ABCG5: variants seen among roughly 807,000 people sequenced by gnomAD.
The protein encoded by ABCG5 is ATP-binding cassette sub-family G member 5.
In ABCG5, 64 loss-of-function variants were observed where a neutral mutation model predicts 64.5. The observed-to-expected ratio is 0.99, with a 90% CI of 0.81 to 1.22. The LOEUF (loss-of-function observed/expected upper bound fraction) is 1.22. Ranked by LOEUF, ABCG5 falls within the 50% of genes most tolerant of loss-of-function variation. ABCG5 has a pLI of 0.00. For synonymous variants in ABCG5, 385 were observed against 326.3 expected (o/e 1.18, Z -1.94); for missense variants, 908 against 829.5 (o/e 1.09, Z -1.16).
chr2:43,812,319 CTT>C (rs535572680), downstream of ABCG5, among the ~76,000 whole-genome samples: 30,950 of 115,168 alleles, frequency 0.27, 3,922 homozygotes, highest in African/African-American at 0.42. Context: ...ACTTGTAATT[CTT>C]TTTTTTTTTT....
At chr2:43,830,098 G>A (rs953317316) in intron 4 of ABCG5, among the ~76,000 whole-genome samples, 6 of 152,166 alleles carry the variant, frequency 3.9e-5, no homozygotes, top group Admixed American at 1.3e-4. Flanking sequence ...TCTCATCTCT[G>A]TAACATCATA....
At chr2:43,811,171 C>G (rs1666467857), downstream of ABCG5, among the ~76,000 whole-genome samples, 1 of 152,152 alleles carries the variant, frequency 6.6e-6, no homozygotes, top group African/African-American at 2.4e-5. Flanking sequence ...GTGGGACTCT[C>G]TTTGAACTAC....
intron 10 of ABCG5, among the ~76,000 whole-genome samples, chr2:43,821,415 A>G (rs985299715): frequency 3.3e-5 from 5 of 152,036 alleles, no homozygotes; most frequent in African/African-American, 1.2e-4. Flanking sequence ...TGCATCACTC[A>G]CCATGTCTTG....
chr2:43,828,472 C>CGAAAA, intron 4 of ABCG5: 1 of 184,288 alleles, frequency 5.4e-6, no homozygotes, highest in South Asian at 3.7e-5. Flanking sequence ...CCTGTCTCTA[C>CGAAAA]AAAAAAAAAA....
At chr2:43,837,804 C>T in intron 2 of ABCG5, 30 bp downstream of exon 2, 10 of 1,613,170 alleles carry the variant, frequency 6.2e-6, no homozygotes, top group Non-Finnish European at 8.5e-6. Context: ...CAAGCCAAAT[C>T]CTTTTTAGAA....
chr2:43,834,298 G>A (rs1319082836), intron 2 of ABCG5, among the ~76,000 whole-genome samples: 1 of 152,130 alleles, frequency 6.6e-6, no homozygotes, highest in Admixed American at 6.5e-5. Context: ...CAAATATCCT[G>A]CAGCCTGGGT....
intron 11 of ABCG5, among the ~76,000 whole-genome samples, chr2:43,817,610 A>G (rs1572748305): frequency 6.6e-6 from 1 of 151,790 alleles, no homozygotes; most frequent in African/African-American, 2.4e-5. Context: ...AAATATTCTA[A>G]GTTAAAAATG....
intron 2 of ABCG5, among the ~76,000 whole-genome samples, chr2:43,836,641 C>T (rs915367010): frequency 3.3e-5 from 5 of 152,232 alleles, no homozygotes; most frequent in Non-Finnish European, 7.4e-5. Flanking sequence ...GAATTGCCCT[C>T]GGCCACAAGG....
In ABCG5 at chr2:43,838,389, T is replaced by C. The variant is rs1365424482; in HGVS notation, c.143+148A>G. On this transcript the variant is annotated intron_variant, in intron 1 of 12. Transcript: ENST00000405322. The surrounding 1 kb of genome is among the most constrained non-coding windows in gnomAD (Gnocchi z 4.2). ...CGCTCCATGTTTCCCAGCACAGCCC[T>C]TCTCCCTCTCCTCTCTCCACCCGAT... 4 of 757,500 alleles carry C rather than the reference T, an allele frequency of 5.3e-6. No homozygotes were observed. The highest frequency in any genetic ancestry group is 8.5e-6 in the Non-Finnish European group (4 of 471,782). 46.9% of individuals were successfully genotyped at this position (757,500 alleles called of 1,614,324 possible).
In ABCG5 at chr2:43,838,490, G is replaced by T; in HGVS notation, c.143+47C>A. 6.5e-7 allele frequency: 1 copy of T among 1,549,434 alleles called. No individual in the cohort carries two copies. Among genetic ancestry groups the T allele is most frequent in the South Asian group, 1.2e-5 (1 of 84,828 alleles). Reference sequence around the variant, plus strand: ...AAAGGCAGCAGAGGGGTGAGCGCCGGGCCCCGCACTCCTGGGGGAGCAGCA... The same window carrying T: ...AAAGGCAGCAGAGGGGTGAGCGCCGTGCCCCGCACTCCTGGGGGAGCAGCA... On this transcript the variant is annotated intron_variant, in intron 1 of 12. Transcript: ENST00000405322. This position sits in a 1 kb window ranked among gnomAD's most constrained non-coding sequence, Gnocchi z 4.2.
At chr2:43,816,023 A>G (rs1429883072) in intron 11 of ABCG5, among the ~76,000 whole-genome samples, 3 of 152,090 alleles carry the variant, frequency 2.0e-5, no homozygotes, top group Non-Finnish European at 4.4e-5. Flanking sequence ...CTAGGGTGCT[A>G]TCTTTCTGAG....
At chr2:43,818,881 T>C (rs1447203543) in intron 11 of ABCG5, among the ~76,000 whole-genome samples, 2 of 152,186 alleles carry the variant, frequency 1.3e-5, no homozygotes, top group Non-Finnish European at 2.9e-5. Flanking sequence ...GATCTCTTTT[T>C]TATAAATGAG....
At chr2:43,837,686 T>G (rs1668365543) in intron 2 of ABCG5, 148 bp downstream of exon 2, 6 of 1,047,654 alleles carry the variant, frequency 5.7e-6, no homozygotes, top group Non-Finnish European at 7.3e-6. Flanking sequence ...AGATTTCACA[T>G]TGGTAGCAGT....
chr2:43,811,474 A>G (rs1443979192), downstream of ABCG5, among the ~76,000 whole-genome samples: 1 of 152,204 alleles, frequency 6.6e-6, no homozygotes, highest in Admixed American at 6.5e-5. Context: ...GAACAAGTTC[A>G]TGCGCTCTCT....
chr2:43,807,852 TA>T, downstream of ABCG5, among the ~76,000 whole-genome samples: 1 of 151,500 alleles, frequency 6.6e-6, no homozygotes, highest in East Asian at 1.9e-4. Flanking sequence ...GCTATCCCTT[TA>T]AAACATCAAT....
chr2:43,824,272 A>G lies in ABCG5; in HGVS notation c.1065T>C (p.Pro355=), dbSNP rs762934862. ...CTCCAGGAGAATCTTTGGTTTTGAA[A>G]GGAACCATTGGTAACGTTTTCAGGT... is the stretch of plus-strand genomic sequence containing the variant. ...MKHLKTLPMV[P]FKTKDSPGVF... is the part of the protein sequence containing the mutation. The change falls in exon 8 of 13, where the codon CCT becomes CCC. Residue 355 remains proline (P), a synonymous_variant. Transcript: ENST00000405322. 1 of 1,614,234 alleles carries G rather than the reference A, an allele frequency of 6.2e-7. No individual in the cohort carries two copies. Among genetic ancestry groups the G allele is most frequent in the Non-Finnish European group, 8.5e-7 (1 of 1,180,050 alleles).
At chr2:43,828,472 CAAAAAAAAAAAAA>C in intron 4 of ABCG5, 3 of 184,288 alleles carry the variant, frequency 1.6e-5, no homozygotes, top group South Asian at 1.1e-4. Flanking sequence ...CCTGTCTCTA[CAAAAAAAAAAAAA>C]AAAAAAAAGA....
Position 43,824,047 on chromosome 2 carries a change from C to G in ABCG5, c.1190G>C (p.Gly397Ala). The G allele has an allele frequency of 6.2e-7, 1 of 1,614,208 alleles. No individual in the cohort carries two copies. The highest frequency in any genetic ancestry group is 8.5e-7 in the Non-Finnish European group (1 of 1,180,030). Residue 397 changes from glycine (G) to alanine (A), a missense_variant, in exon 9 of 13, where the codon GGT (glycine) becomes GCT (alanine). Gly to Ala is a moderately conservative substitution (Grantham distance 60). Coordinates refer to ENST00000405322, the MANE Select transcript of ABCG5 (RefSeq NM_022436.3). ...CAGAACGAAGAAAAGGAGGAACAAA[C>G]CCATGATCAGATTCTGAAGGAGACG... The part of the protein sequence containing the change: ...ITRLLQNLIM[G>A]LFLLFFVLRV...
intron 11 of ABCG5, among the ~76,000 whole-genome samples, chr2:43,816,135 G>T (rs966853269): frequency 3.3e-5 from 5 of 152,188 alleles, no homozygotes; most frequent in Non-Finnish European, 7.3e-5. Context: ...AAACCAACAT[G>T]ATTTGGTGAG....
Sources: allele counts gnomAD v4.1 joint callset (sites outside exome capture counted in the v4.1 genomes callset), GRCh38; gene constraint gnomAD v4.1.1; non-coding constraint Gnocchi (gnomAD v3.1); transcripts MANE v1.5; gene names NCBI Gene and HGNC (gene_info 2026-07-23, HGNC 2026-07-21).